FRMPD4: variants seen among roughly 807,000 people sequenced by gnomAD.
FRMPD4 encodes the protein FERM and PDZ domain-containing protein 4.
In FRMPD4, 22 loss-of-function variants were observed where a neutral mutation model predicts 94.1. The ratio of observed to expected loss-of-function variants is 0.23; its 90% CI spans 0.17 to 0.33. The LOEUF (loss-of-function observed/expected upper bound fraction) is 0.33, where lower values mean the gene tolerates loss of function less well. FRMPD4 is among the 10% of genes least tolerant of loss of function. The pLI, the probability that FRMPD4 is intolerant of heterozygous loss-of-function variation, is 1.00. For missense variants in FRMPD4, 1,111 were observed against 1,339.9 expected (o/e 0.83, Z 2.67); for synonymous variants, 631 against 548.6 (o/e 1.15, Z -2.10).
At chrX:12,539,058 C>G (rs933572823) in intron 2 of FRMPD4, among the ~76,000 whole-genome samples, 4 of 111,564 alleles carry the variant, frequency 3.6e-5, no homozygotes, top group Non-Finnish European at 7.5e-5. Flanking sequence ...AGATGAATGG[C>G]TAACTAGAAT....
At position 12,166,475 on chromosome X, in the gene FRMPD4, G is replaced by A. The variant is rs375065084; in HGVS notation, c.41+27463G>A. Among the ~76,000 whole-genome samples, 51 of 111,229 alleles carry A rather than the reference G, an allele frequency of 4.6e-4. No homozygotes were observed. In the East Asian group the frequency reaches 0.013, roughly 29 times the overall value. ...TGCCAGTATTTTATTGAGGATTTTT[G>A]CATCAATGTTCATCAAGGATATTGG... On this transcript the variant is annotated intron_variant, in intron 1 of 16. Transcript: ENST00000675598.
chrX:12,326,159 C>T (rs9306792), intron 1 of FRMPD4, among the ~76,000 whole-genome samples: 2,665 of 111,753 alleles, frequency 0.024, 88 homozygotes, highest in African/African-American at 0.082. Context: ...AAGTATTCCT[C>T]CTATTTTTTT....
intron 3 of FRMPD4, among the ~76,000 whole-genome samples, chrX:12,047,224 CATA>C (rs2054790893): frequency 9.2e-6 from 1 of 108,797 alleles, no homozygotes; most frequent in Non-Finnish European, 1.9e-5. Context: ...TTGTATATAT[CATA>C]ATACCACACA....
At chrX:12,210,239 C>A (rs777976840) in intron 1 of FRMPD4, among the ~76,000 whole-genome samples, 1 of 112,213 alleles carries the variant, frequency 8.9e-6, no homozygotes, top group East Asian at 2.8e-4. Flanking sequence ...GTGTCTCAAG[C>A]TGCTTCTGCA....
chrX:12,122,422 A>G (rs1368676808), intron 3 of FRMPD4, among the ~76,000 whole-genome samples: 1 of 111,424 alleles, frequency 9.0e-6, no homozygotes, highest in Non-Finnish European at 1.9e-5. Flanking sequence ...CTCTGTATAG[A>G]TGGGGAAAGA....
At chrX:12,313,931 G>A (rs1379203926) in intron 1 of FRMPD4, among the ~76,000 whole-genome samples, 1 of 111,941 alleles carries the variant, frequency 8.9e-6, no homozygotes, top group African/African-American at 3.2e-5. Context: ...TTAATGTTAT[G>A]TGTGTAATGT....
chrX:12,429,399 C>G (rs1034361633), intron 1 of FRMPD4, among the ~76,000 whole-genome samples: 1 of 111,607 alleles, frequency 9.0e-6, no homozygotes, highest in African/African-American at 3.3e-5. Flanking sequence ...TCTTGCCTCA[C>G]TCTTTCTCCC....
intron 3 of FRMPD4, among the ~76,000 whole-genome samples, chrX:12,127,567 G>A (rs1035389417): frequency 3.3e-4 from 37 of 111,206 alleles, no homozygotes; most frequent in African/African-American, 1.1e-3. Context: ...GAGTTGGATG[G>A]GGACACAGCC....
At chrX:12,177,755 A>C (rs2056312345) in intron 1 of FRMPD4, among the ~76,000 whole-genome samples, 1 of 112,233 alleles carries the variant, frequency 8.9e-6, no homozygotes, top group Admixed American at 9.5e-5. Context: ...GAGGTATAGC[A>C]GTGAACAAAA....
chrX:12,508,010 A>G (rs893285860), intron 2 of FRMPD4, among the ~76,000 whole-genome samples: 2 of 112,238 alleles, frequency 1.8e-5, no homozygotes, highest in Non-Finnish European at 3.8e-5. Flanking sequence ...ACAAGTGCAA[A>G]TAATTATTAG....
intron 2 of FRMPD4, among the ~76,000 whole-genome samples, chrX:12,516,846 G>A (rs983829781): frequency 1.1e-4 from 12 of 107,665 alleles, no homozygotes; most frequent in South Asian, 8.3e-4. Context: ...CATAGGTTCA[G>A]TCTTTTTACA....
chrX:12,090,462 C>T (rs765596044), intron 3 of FRMPD4, among the ~76,000 whole-genome samples: 3 of 109,500 alleles, frequency 2.7e-5, no homozygotes, highest in Admixed American at 2.0e-4. Context: ...TTTAAATTGC[C>T]CAATCTCAGG....
intron 3 of FRMPD4, among the ~76,000 whole-genome samples, chrX:12,070,938 C>A (rs960712606): frequency 8.9e-6 from 1 of 112,251 alleles, no homozygotes; most frequent in Non-Finnish European, 1.9e-5. Context: ...TCATTAAGAT[C>A]TTTCAGGGGA....
intron 1 of FRMPD4, among the ~76,000 whole-genome samples, chrX:12,258,677 A>G (rs1249637862): frequency 9.0e-6 from 1 of 111,383 alleles, no homozygotes; most frequent in Non-Finnish European, 1.9e-5. Context: ...TATTATTATT[A>G]CTTTTTATCG....
chrX:11,851,506 G>C (rs997147275), intron 1 of FRMPD4, among the ~76,000 whole-genome samples: 47 of 111,513 alleles, frequency 4.2e-4, no homozygotes, highest in African/African-American at 1.3e-3. Flanking sequence ...AGACACAGTA[G>C]AAACAGCACC....
chrX:12,284,085 G>T (rs1169222742), intron 1 of FRMPD4, among the ~76,000 whole-genome samples: 1 of 111,552 alleles, frequency 9.0e-6, no homozygotes, highest in African/African-American at 3.3e-5. Flanking sequence ...ATTTATTTTT[G>T]TTTCAGATGA....
intron 1 of FRMPD4, among the ~76,000 whole-genome samples, chrX:12,150,615 G>A (rs2055834867): frequency 8.9e-6 from 1 of 112,070 alleles, no homozygotes; most frequent in Admixed American, 9.5e-5. Flanking sequence ...AAGTATTTAT[G>A]TATCTTTTCT....
At chrX:12,365,840 ATCT>A (rs975162680) in intron 1 of FRMPD4, among the ~76,000 whole-genome samples, 22 of 110,934 alleles carry the variant, frequency 2.0e-4, no homozygotes, top group African/African-American at 7.4e-4. Flanking sequence ...CTGTCCTACC[ATCT>A]TCTTTATTTT....
intron 3 of FRMPD4, among the ~76,000 whole-genome samples, chrX:11,972,498 G>GT (rs1292623768): frequency 8.9e-6 from 1 of 112,252 alleles, no homozygotes; most frequent in Non-Finnish European, 1.9e-5. Context: ...AAATTGTCCA[G>GT]TTTGGGGGAA....
Sources: gnomAD v4.1 joint callset for allele counts (sites outside exome capture counted in the v4.1 genomes callset) on GRCh38, gnomAD v4.1.1 for gene constraint, MANE v1.5 for transcripts, NCBI Gene and HGNC (gene_info 2026-07-23, HGNC 2026-07-21) for gene names.